The following FAM107B variants were observed in gnomAD, a reference collection of about 807,000 sequenced individuals.
FAM107B encodes protein FAM107B.
In FAM107B, 21 loss-of-function variants were observed where a neutral mutation model predicts 31.5. The observed-to-expected ratio is 0.67, with a 90% CI of 0.47 to 0.96. The LOEUF (loss-of-function observed/expected upper bound fraction) is 0.96, where lower values mean the gene tolerates loss of function less well. Ranked by LOEUF, FAM107B falls within the 40% of genes least tolerant of loss-of-function variation. The pLI, the probability that FAM107B is intolerant of heterozygous loss-of-function variation, is 0.00. For synonymous variants in FAM107B, 157 were observed against 141.5 expected, an observed-to-expected ratio of 1.11 and a Z score of -0.78; for missense variants, 452 against 377.1, an observed-to-expected ratio of 1.20 and a Z score of -1.64.
At chr10:14,671,093 T>C (rs1024279285) in intron 1 of FAM107B, among the ~76,000 whole-genome samples, 13 of 152,098 alleles carry the variant, frequency 8.5e-5, no homozygotes, top group African/African-American at 3.1e-4. Context: ...CATCCCACTC[T>C]TAAAGAACTG....
intron 2 of FAM107B, among the ~76,000 whole-genome samples, chr10:14,537,580 C>G (rs1025573717): frequency 2.0e-5 from 3 of 152,150 alleles, no homozygotes; most frequent in African/African-American, 7.2e-5. Context: ...TGGCTCATAC[C>G]TGTAATCCCA....
intron 2 of FAM107B, among the ~76,000 whole-genome samples, chr10:14,583,335 G>A (rs1421155385): frequency 2.0e-5 from 3 of 152,056 alleles, no homozygotes; most frequent in East Asian, 1.9e-4. Flanking sequence ...CAGGGCCCTC[G>A]CGGGGCAGAG....
intron 1 of FAM107B, among the ~76,000 whole-genome samples, chr10:14,707,272 T>C (rs1228864393): frequency 9.2e-5 from 14 of 152,196 alleles, no homozygotes; most frequent in Admixed American, 7.8e-4. Context: ...GTGGTCTAGC[T>C]CTGATTCAAT....
intron 3 of FAM107B, chr10:14,529,441 T>G (rs1444807913): frequency 1.3e-5 from 2 of 152,112 alleles, no homozygotes; most frequent in Non-Finnish European, 2.9e-5. Context: ...AGAATTGCCA[T>G]AAAAATGCCC....
intron 1 of FAM107B, among the ~76,000 whole-genome samples, chr10:14,767,038 A>ATATGTATG (rs1285041174): frequency 6.0e-5 from 2 of 33,126 alleles, no homozygotes; most frequent in East Asian, 2.2e-3. Context: ...ATATATATAT[A>ATATGTATG]TATATATATA....
At chr10:14,657,986 C>CT (rs1312396690) in intron 2 of FAM107B, among the ~76,000 whole-genome samples, 2 of 151,844 alleles carry the variant, frequency 1.3e-5, no homozygotes, top group Admixed American at 6.6e-5. Flanking sequence ...AATGTTTTCT[C>CT]TTTTTTTGTA....
At chr10:14,685,442 G>A (rs1190022483) in intron 1 of FAM107B, among the ~76,000 whole-genome samples, 5 of 152,164 alleles carry the variant, frequency 3.3e-5, no homozygotes, top group Admixed American at 2.0e-4. Flanking sequence ...GTGAGCCACT[G>A]CACCTGGTCT....
chr10:14,646,823 T>G (rs1271323051), intron 2 of FAM107B, among the ~76,000 whole-genome samples: 1 of 128,928 alleles, frequency 7.8e-6, no homozygotes, highest in Non-Finnish European at 1.6e-5. Flanking sequence ...AGACGGAGTC[T>G]CACTCTGTCA....
At chr10:14,529,702 T>C (rs895593070) in intron 3 of FAM107B, 5 of 152,180 alleles carry the variant, frequency 3.3e-5, no homozygotes, top group African/African-American at 9.7e-5. Context: ...GCCCAAATTA[T>C]TTAAAAAGCA....
intron 2 of FAM107B, chr10:14,548,628 C>T: frequency 5.1e-6 from 5 of 985,506 alleles, no homozygotes; most frequent in Non-Finnish European, 6.0e-6. Flanking sequence ...GGAGGGCTCT[C>T]TCCAGCTGCG....
intron 1 of FAM107B, among the ~76,000 whole-genome samples, chr10:14,681,762 G>A (rs1162987199): frequency 6.6e-6 from 1 of 152,194 alleles, no homozygotes; most frequent in Non-Finnish European, 1.5e-5. Context: ...AAGCAGAGGA[G>A]CAAGGGATGC....
At chr10:14,543,690 T>TAAAA (rs1564546832) in intron 2 of FAM107B, among the ~76,000 whole-genome samples, 30 of 68,326 alleles carry the variant, frequency 4.4e-4, no homozygotes, top group Admixed American at 1.7e-3. Context: ...CCTAAAAACT[T>TAAAA]TAAAAAAAAA....
chr10:14,774,511 G>A lies in FAM107B; in HGVS notation c.153C>T (p.Thr51=), dbSNP rs746804750. 12 of 1,614,174 alleles carry A rather than the reference G, an allele frequency of 7.4e-6. No homozygotes were observed. The South Asian group carries it at 9.9e-5, about 13-fold the overall frequency. The stretch of plus-strand genomic sequence containing the variant: ...CTTTGGCCACAGGCTGCACACGGAC[G>A]GTGGAATGAGTATCAGCCACGCCGG... ...NQSGVADTHS[T]VRVQPVAKAG... The change falls in exon 1 of 5, where the codon ACC becomes ACT. Residue 51 remains threonine (T), a synonymous_variant. Coordinates refer to ENST00000181796, the MANE Select transcript of FAM107B (RefSeq NM_031453.4).
chr10:14,665,390 A>G (rs572222047), intron 2 of FAM107B, among the ~76,000 whole-genome samples: 10 of 152,214 alleles, frequency 6.6e-5, no homozygotes, highest in Non-Finnish European at 1.5e-4. Flanking sequence ...TCATAAAAGA[A>G]CTCAGTAAAG....
chr10:14,726,511 T>C (rs1856039929), intron 1 of FAM107B, among the ~76,000 whole-genome samples: 1 of 152,134 alleles, frequency 6.6e-6, no homozygotes, highest in Admixed American at 6.5e-5. Context: ...AGTCAAGCAT[T>C]TGTCAGGTTC....
intron 1 of FAM107B, among the ~76,000 whole-genome samples, chr10:14,681,561 G>GC (rs1854836092): frequency 6.6e-6 from 1 of 152,094 alleles, no homozygotes; most frequent in South Asian, 2.1e-4. Context: ...TCGCATACTT[G>GC]CCCCTCGTCA....
Position 14,521,869 on chromosome 10 carries a change from C to T in FAM107B, c.804G>A (p.Gln268=). 6.2e-7 allele frequency: 1 copy of T among 1,613,650 alleles called. No individual in the cohort carries two copies. Among genetic ancestry groups the T allele is most frequent in the Non-Finnish European group, 8.5e-7 (1 of 1,179,878 alleles). ...ELLKRQQKLE[Q]LELEKQKLQE... is the part of the protein sequence containing the mutation. ...ACAGCTTCCAGCCAATCCCCCTTAC[C>T]TGCTCCAACTTCTGCTGCCGTTTTA... The change falls in exon 4 of 5, where the codon CAG becomes CAA. Residue 268 remains glutamine, a splice_region_variant and synonymous_variant. Transcript: ENST00000181796.
chr10:14,739,126 G>A lies in FAM107B; in HGVS notation c.411+35127C>T, dbSNP rs546554707. ...TAAAAGGTGAAGGTAAAAGCTGCCG[G>A]TCCTCTAAAGGGTAGGTCCAGAAGT... On this transcript the variant is annotated intron_variant, in intron 1 of 4. Coordinates refer to ENST00000181796, the MANE Select transcript of FAM107B (RefSeq NM_031453.4). 1.2e-4 allele frequency among the ~76,000 whole-genome samples: 19 copies of A among 152,306 alleles called. No individual in the cohort carries two copies. The South Asian group carries it at 3.5e-3, about 28-fold the overall frequency.
In FAM107B at chr10:14,521,921, T is replaced by G; in HGVS notation, c.752A>C (p.Lys251Thr). The G allele has an allele frequency of 1.2e-6, 2 of 1,614,228 alleles. No individual in the cohort carries two copies. The highest frequency in any genetic ancestry group is 2.2e-5 in the South Asian group (2 of 91,082). Residue 251 changes from lysine to threonine, a missense_variant, in exon 4 of 5, where the codon AAG (lysine) becomes ACG (threonine). Physicochemically the swap from Lys to Thr is moderately conservative, Grantham distance 78. Coordinates refer to ENST00000181796, the MANE Select transcript of FAM107B (RefSeq NM_031453.4). ...TAGCTCTATTTCCAAGTCAGATTTCTTCTTCTGTGCTTCTTCTTCCTTCTG... is the reference window on the plus strand; with the variant it reads ...TAGCTCTATTTCCAAGTCAGATTTCGTCTTCTGTGCTTCTTCTTCCTTCTG... ...IKQKEEEAQK[K>T]KSDLEIELLK...
Sources: gnomAD v4.1 joint callset for allele counts (sites outside exome capture counted in the v4.1 genomes callset) on GRCh38, gnomAD v4.1.1 for gene constraint, MANE v1.5 for transcripts, NCBI Gene and HGNC (gene_info 2026-07-23, HGNC 2026-07-21) for gene names.